NCKAP5: variants seen among roughly 807,000 people sequenced by gnomAD.
NCKAP5 encodes the protein NCK associated protein 5.
NCKAP5 carries 92 observed loss-of-function variants against 167.0 expected under a neutral mutation model. The observed-to-expected ratio is 0.55, with a 90% CI of 0.47 to 0.66. NCKAP5 has a LOEUF of 0.66. NCKAP5 is among the 30% of genes least tolerant of loss of function. NCKAP5 has a pLI of 0.00. For missense variants in NCKAP5, 2,378 were observed against 2,315.0 expected, an observed-to-expected ratio of 1.03 and a Z score of -0.56; for synonymous variants, 891 against 877.4, an observed-to-expected ratio of 1.02 and a Z score of -0.27.
Position 133,567,657 on chromosome 2 carries a change from C to CTCTGTGTGTGTGTG in NCKAP5, c.-130+558_-130+559insCACACACACACAGA, listed in dbSNP as rs375516676. ...TACACATTCCTGAGGATGAATGAGC[C>CTCTGTGTGTGTGTG]TGTGTGTGTGTGTGTGTGTGTGTGT... On this transcript the variant is annotated intron_variant, in intron 1 of 19. Transcript: ENST00000409261. Among the ~76,000 whole-genome samples the CTCTGTGTGTGTGTG allele has an allele frequency of 2.0e-3, 260 of 130,998 alleles. 4 individuals carry two copies. Among genetic ancestry groups the CTCTGTGTGTGTGTG allele is most frequent in the African/African-American group, 6.8e-3 (244 of 35,988 alleles). The allele number at this position is 130,998 out of a possible 152,430, so 85.9% of individuals were successfully genotyped here. A position where few individuals can be genotyped will look rare whatever the true frequency, so the allele number is the denominator to read the frequency against.
chr2:133,583,782 C>T, the NCKAP5 span, among the ~76,000 whole-genome samples: 1 of 151,744 alleles, frequency 6.6e-6, no homozygotes, highest in Non-Finnish European at 1.5e-5. Flanking sequence ...GAGGTGGAGT[C>T]TCGCTCTGTC....
intron 6 of NCKAP5, among the ~76,000 whole-genome samples, chr2:133,006,192 G>A (rs760388563): frequency 3.3e-5 from 5 of 152,144 alleles, no homozygotes; most frequent in Admixed American, 1.3e-4. Flanking sequence ...TCAGGAGGTC[G>A]AGGTTGCAGT....
At chr2:132,967,182 C>T (rs1170347079) in intron 7 of NCKAP5, among the ~76,000 whole-genome samples, 1 of 150,358 alleles carries the variant, frequency 6.7e-6, no homozygotes, top group East Asian at 1.9e-4. Context: ...CACACACACA[C>T]ACACACACAC....
intron 9 of NCKAP5, among the ~76,000 whole-genome samples, chr2:132,877,325 A>G (rs1283822247): frequency 6.6e-6 from 1 of 152,242 alleles, no homozygotes; most frequent in Non-Finnish European, 1.5e-5. Flanking sequence ...GGTTGGGAAT[A>G]TTAAACAATT....
At chr2:132,681,512 A>ACAT (rs1685228965) in intron 19 of NCKAP5, among the ~76,000 whole-genome samples, 1 of 152,152 alleles carries the variant, frequency 6.6e-6, no homozygotes, top group Non-Finnish European at 1.5e-5. Context: ...ATGTATTATA[A>ACAT]CATCACAGTG....
At chr2:133,189,528 A>G (rs1452156369) in intron 5 of NCKAP5, among the ~76,000 whole-genome samples, 1 of 152,202 alleles carries the variant, frequency 6.6e-6, no homozygotes, top group Non-Finnish European at 1.5e-5. Flanking sequence ...CGATTCAAAA[A>G]TCCTCAAGAA....
At chr2:132,954,278 G>A (rs2076277592) in intron 8 of NCKAP5, among the ~76,000 whole-genome samples, 1 of 152,090 alleles carries the variant, frequency 6.6e-6, no homozygotes, top group African/African-American at 2.4e-5. Context: ...TCTCAATATT[G>A]TATCCTATAC....
At chr2:133,430,513 G>A (rs544398260) in intron 3 of NCKAP5, among the ~76,000 whole-genome samples, 4 of 152,088 alleles carry the variant, frequency 2.6e-5, no homozygotes, top group South Asian at 2.1e-4. Flanking sequence ...GCGGTCATAC[G>A]TTTCAGTCTT....
intron 6 of NCKAP5, among the ~76,000 whole-genome samples, chr2:133,027,516 G>A (rs2078739152): frequency 6.6e-6 from 1 of 152,214 alleles, no homozygotes; most frequent in Non-Finnish European, 1.5e-5. Context: ...CACACAGAGT[G>A]TAAGTGGTAG....
chr2:133,249,303 A>G (rs182400887), intron 4 of NCKAP5, among the ~76,000 whole-genome samples: 4 of 152,260 alleles, frequency 2.6e-5, no homozygotes, highest in Non-Finnish European at 4.4e-5. Context: ...TCAGAAAGAG[A>G]TGTGAGGATG....
At chr2:133,049,127 C>CT (rs1401196823) in intron 6 of NCKAP5, among the ~76,000 whole-genome samples, 1 of 152,186 alleles carries the variant, frequency 6.6e-6, no homozygotes, top group African/African-American at 2.4e-5. Flanking sequence ...CCTTGCCAAA[C>CT]TAACTATTAT....
At chr2:133,569,935 C>T (rs1005930615), upstream of NCKAP5, among the ~76,000 whole-genome samples, 2 of 152,126 alleles carry the variant, frequency 1.3e-5, no homozygotes, top group African/African-American at 4.8e-5. Context: ...CCCAGCAATT[C>T]CACTTTTCCA....
At chr2:132,910,377 C>G (rs964749951) in intron 8 of NCKAP5, among the ~76,000 whole-genome samples, 7 of 151,608 alleles carry the variant, frequency 4.6e-5, no homozygotes, top group Non-Finnish European at 8.8e-5. Context: ...TTTTCTGTAC[C>G]CACCCATTAA....
chr2:132,860,761 C>T (rs1689836911), intron 10 of NCKAP5, 150 bp from the exon 11 acceptor site: 1 of 1,059,924 alleles, frequency 9.4e-7, no homozygotes. Context: ...ACGTTTTCGT[C>T]CACAGACCAT....
chr2:132,890,103 T>C (rs1320376659), intron 8 of NCKAP5, among the ~76,000 whole-genome samples: 5 of 152,172 alleles, frequency 3.3e-5, no homozygotes, highest in African/African-American at 1.2e-4. Flanking sequence ...GGCAGACAGG[T>C]CAGAATAAGA....
intron 3 of NCKAP5, among the ~76,000 whole-genome samples, chr2:133,340,553 A>T (rs1286704700): frequency 2.0e-5 from 3 of 152,124 alleles, no homozygotes; most frequent in Admixed American, 6.5e-5. Flanking sequence ...GTGGCTCTGG[A>T]TACCCCCTGA....
chr2:133,451,914 C>T (rs901478609), intron 3 of NCKAP5, among the ~76,000 whole-genome samples: 7 of 152,168 alleles, frequency 4.6e-5, no homozygotes, highest in Non-Finnish European at 8.8e-5. Context: ...GTGTTGTCTT[C>T]CCTCAAGCAC....
intron 4 of NCKAP5, among the ~76,000 whole-genome samples, chr2:133,221,010 G>C (rs1261978966): frequency 6.6e-6 from 1 of 152,106 alleles, no homozygotes; most frequent in Non-Finnish European, 1.5e-5. Flanking sequence ...TCATTGTTAA[G>C]TCTCACGGTC....
At chr2:133,584,574 G>A in the NCKAP5 span, among the ~76,000 whole-genome samples, 4 of 152,106 alleles carry the variant, frequency 2.6e-5, no homozygotes, top group Non-Finnish European at 5.9e-5. Flanking sequence ...AGACCAGCCT[G>A]GCCAACATGG....
Sources: gnomAD v4.1 joint callset for allele counts (sites outside exome capture counted in the v4.1 genomes callset) on GRCh38, gnomAD v4.1.1 for gene constraint, MANE v1.5 for transcripts, NCBI Gene and HGNC (gene_info 2026-07-23, HGNC 2026-07-21) for gene names.